Variants in ARFGEF3 observed in about 807,000 individuals in gnomAD.
ARFGEF3 encodes ARFGEF family member 3, also known as brefeldin A-inhibited guanine nucleotide-exchange protein 3.
ARFGEF3 carries 96 observed loss-of-function variants against 221.7 expected under a neutral mutation model. The ratio of observed to expected loss-of-function variants is 0.43; its 90% CI spans 0.37 to 0.51. The LOEUF is 0.51. ARFGEF3 is among the 20% of genes least tolerant of loss of function. ARFGEF3 has a pLI of 0.00. For missense variants in ARFGEF3, 2,410 were observed against 2,789.9 expected, an observed-to-expected ratio of 0.86 and a Z score of 3.07; for synonymous variants, 1,145 against 1,126.8, an observed-to-expected ratio of 1.02 and a Z score of -0.32.
At position 138,204,927 on chromosome 6, in the gene ARFGEF3, C is replaced by G. The variant is rs192012717; in HGVS notation, c.138-2115C>G. Among the ~76,000 whole-genome samples the G allele has an allele frequency of 2.2e-4, 33 of 152,270 alleles. 1 individual carries two copies. Among genetic ancestry groups the G allele is most frequent in the Admixed American group, 1.7e-3 (26 of 15,294 alleles). ...TTGTGACCATGGCTTGCATGGGGAACAGTTCAGTGATGTCTCCTGGTGGTG... is the reference window on the plus strand; with the variant it reads ...TTGTGACCATGGCTTGCATGGGGAAGAGTTCAGTGATGTCTCCTGGTGGTG... On this transcript the variant is annotated intron_variant, in intron 2 of 33. Coordinates refer to ENST00000251691, the MANE Select transcript of ARFGEF3 (RefSeq NM_020340.5).
intron 3 of ARFGEF3, among the ~76,000 whole-genome samples, chr6:138,207,476 C>T (rs139039034): frequency 3.9e-4 from 59 of 152,174 alleles, no homozygotes; most frequent in Non-Finnish European, 6.3e-4. Flanking sequence ...CTTTCAACAT[C>T]TATGGTTCTA....
intron 7 of ARFGEF3, among the ~76,000 whole-genome samples, chr6:138,244,312 C>T (rs774186903): frequency 4.3e-4 from 65 of 152,222 alleles, no homozygotes; most frequent in African/African-American, 1.1e-3. Flanking sequence ...TCTTCCTTGA[C>T]GTACCGTCAT....
intron 4 of ARFGEF3, among the ~76,000 whole-genome samples, chr6:138,224,702 G>A (rs773852746): frequency 1.3e-5 from 2 of 152,148 alleles, no homozygotes; most frequent in Non-Finnish European, 2.9e-5. Context: ...ATCACAAAAG[G>A]TAAATCTTAC....
intron 25 of ARFGEF3, among the ~76,000 whole-genome samples, chr6:138,312,545 G>A (rs35823496): frequency 0.14 from 21,578 of 151,866 alleles, 1,916 homozygotes; most frequent in East Asian, 0.45. Context: ...CTGCCCTCCC[G>A]GAAATACACC....
intron 31 of ARFGEF3, among the ~76,000 whole-genome samples, chr6:138,327,277 A>G (rs2114689210): frequency 6.6e-6 from 1 of 152,156 alleles, no homozygotes; most frequent in South Asian, 2.1e-4. Context: ...AAAAGAAAGG[A>G]AAAAATTTTT....
chr6:138,272,699 TA>T (rs1779026033), intron 12 of ARFGEF3, among the ~76,000 whole-genome samples: 1 of 152,214 alleles, frequency 6.6e-6, no homozygotes. Flanking sequence ...TAGACTTAAA[TA>T]AATCTGTGAC....
intron 2 of ARFGEF3, 85 bp from the exon 3 acceptor site, chr6:138,206,957 T>C: frequency 1.0e-6 from 1 of 961,704 alleles, no homozygotes; most frequent in East Asian, 2.6e-5. Flanking sequence ...TAGTGGCATT[T>C]GGGGGTGGGT....
chr6:138,308,952 G>C, intron 24 of ARFGEF3, 91 bp downstream of exon 24: 1 of 1,490,926 alleles, frequency 6.7e-7, no homozygotes, highest in Non-Finnish European at 9.3e-7. Flanking sequence ...CTGACTGTCT[G>C]GAACAAGCAC....
At position 138,336,346 on chromosome 6, in the gene ARFGEF3, G is replaced by A. The variant is rs1421738174; in HGVS notation, c.6394G>A (p.Asp2132Asn). The change falls in exon 34 of 34, where the codon GAC becomes AAC. Residue 2132 changes from aspartate to asparagine, a missense_variant. By Grantham distance (23) the Asp-to-Asn change is conservative. Around this residue, in one of 5 missense-constraint regions of ARFGEF3, gnomAD observed 339 missense variants for 334.9 expected, o/e 1.01. Transcript: ENST00000251691. ...TVLNQIQILP[D>N]QTFTALQPAV... ...TCTCAATCAGATTCAGATTCTCCCA[G>A]ACCAGACCTTCACGGCCCTCCAGCC... The A allele has an allele frequency of 1.9e-6, 3 of 1,610,342 alleles. No individual in the cohort carries two copies. Among genetic ancestry groups the A allele is most frequent in the African/African-American group, 2.7e-5 (2 of 74,764 alleles).
intron 10 of ARFGEF3, among the ~76,000 whole-genome samples, chr6:138,258,577 A>G (rs535907874): frequency 2.7e-4 from 41 of 152,304 alleles, no homozygotes; most frequent in Middle Eastern, 6.8e-3. Flanking sequence ...CCATCCCGCC[A>G]TTTAACAATT....
Position 138,334,731 on chromosome 6 carries a change from C to T in ARFGEF3, c.5885C>T (p.Ser1962Phe). The change falls in exon 33 of 34, where the codon TCC becomes TTC. Residue 1962 changes from serine (S) to phenylalanine (F), a missense_variant. Physicochemically the swap from Ser to Phe is radical, Grantham distance 155 (BLOSUM62 -2). Coordinates refer to ENST00000251691, the MANE Select transcript of ARFGEF3 (RefSeq NM_020340.5). This position sits in a 1 kb window ranked among gnomAD's most constrained non-coding sequence, Gnocchi z 5.1. Reference protein sequence around the residue: ...TGGFSGKETPSEDDRSQSREH... With the variant: ...TGGFSGKETPFEDDRSQSREH... ...GGCTTCTCTGGGAAAGAAACCCCTT[C>T]CGAGGATGACAGAAGCCAGTCCCGG... is the stretch of plus-strand genomic sequence containing the variant. The T allele has an allele frequency of 1.9e-6, 3 of 1,609,314 alleles. No homozygotes were observed. The highest frequency in any genetic ancestry group is 2.5e-6 in the Non-Finnish European group (3 of 1,176,742).
chr6:138,177,097 A>ATT (rs1562343283), intron 2 of ARFGEF3, among the ~76,000 whole-genome samples: 3,707 of 124,956 alleles, frequency 0.03, 108 homozygotes, highest in African/African-American at 0.093. Flanking sequence ...TTATTTATTT[A>ATT]TATTTTTTTT....
rs746916014 is a variant in ARFGEF3 at position 138,339,694 on chromosome 6, GT to G, written c.*3212del. 1 of 152,138 alleles carries G rather than the reference GT, an allele frequency of 6.6e-6. No individual in the cohort carries two copies. Among genetic ancestry groups the G allele is most frequent in the Non-Finnish European group, 1.5e-5 (1 of 68,042 alleles). 9.4% of individuals were successfully genotyped at this position (152,138 alleles called of 1,614,324 possible). A position where few individuals can be genotyped will look rare whatever the true frequency, so the allele number is the denominator to read the frequency against. On this transcript the variant is annotated 3_prime_UTR_variant, in exon 34 of 34. Coordinates refer to ENST00000251691, the MANE Select transcript of ARFGEF3 (RefSeq NM_020340.5). ...CTCTCTGTCATTAATGAGGACATCG[GT>G]TTTCACAATTGAACCTCATGCACTG...
chr6:138,312,901 G>C (rs1779855853), intron 25 of ARFGEF3, among the ~76,000 whole-genome samples: 1 of 152,132 alleles, frequency 6.6e-6, no homozygotes, highest in African/African-American at 2.4e-5. Context: ...GTAGAGACGG[G>C]GTTTCGCCAT....
chr6:138,202,681 C>CAAA (rs11312359), intron 2 of ARFGEF3, among the ~76,000 whole-genome samples: 1 of 117,102 alleles, frequency 8.5e-6, no homozygotes. Context: ...TATTTACTAG[C>CAAA]AAAAAAAAAA....
chr6:138,215,890 AAGAGAGAGAG>A lies in ARFGEF3; in HGVS notation c.351+5862_351+5871del, dbSNP rs61160088. On this transcript the variant is annotated intron_variant, in intron 4 of 33. Transcript: ENST00000251691. ...TGTGTGTGTGTGTGTGTGTGTGTGA[AAGAGAGAGAG>A]AGAGAGAGAGAGTGTTGGGGAAAGG... is the stretch of plus-strand genomic sequence containing the variant. 6.8e-4 allele frequency: 61 copies of A among 89,118 alleles called. 2 individuals carry two copies. The highest frequency in any genetic ancestry group is 1.9e-3 in the African/African-American group (49 of 25,306). The allele number at this position is 89,118 out of a possible 1,614,324, so 5.5% of individuals were successfully genotyped here.
At chr6:138,258,983 T>C (rs141245538) in intron 10 of ARFGEF3, among the ~76,000 whole-genome samples, 1 of 152,366 alleles carries the variant, frequency 6.6e-6, no homozygotes, top group African/African-American at 2.4e-5. Flanking sequence ...GTTTATCTGT[T>C]CATCGTAGAT....
intron 12 of ARFGEF3, among the ~76,000 whole-genome samples, chr6:138,275,942 A>C (rs1304488620): frequency 6.6e-6 from 1 of 152,232 alleles, no homozygotes; most frequent in Non-Finnish European, 1.5e-5. Flanking sequence ...ATTAAAGAAT[A>C]ATTTTACACA....
At chr6:138,178,131 T>TC (rs1394113015) in intron 2 of ARFGEF3, among the ~76,000 whole-genome samples, 1 of 152,150 alleles carries the variant, frequency 6.6e-6, no homozygotes, top group Non-Finnish European at 1.5e-5. Context: ...GGGGACTTTT[T>TC]CTCTCGAAGA....
Sources: gnomAD v4.1 joint callset for allele counts (sites outside exome capture counted in the v4.1 genomes callset) on GRCh38, gnomAD v4.1.1 for gene constraint, gnomAD v4.1.1 regional missense constraint, Gnocchi (gnomAD v3.1) non-coding constraint, MANE v1.5 for transcripts, NCBI Gene and HGNC (gene_info 2026-07-23, HGNC 2026-07-21) for gene names.